RGS6: variants seen among roughly 807,000 people sequenced by gnomAD.
RGS6 encodes regulator of G protein signaling 6, also known as regulator of G-protein signaling 6.
A neutral mutation model predicts 78.5 loss-of-function variants in RGS6; 30 were observed. The observed-to-expected ratio is 0.38, with a 90% CI of 0.29 to 0.52. The LOEUF (loss-of-function observed/expected upper bound fraction) is 0.52. RGS6 is among the 20% of genes least tolerant of loss of function. The probability of loss-of-function intolerance (pLI) is 0.85; values close to 1 mark genes in which losing one functional copy is unlikely to be tolerated. For missense variants in RGS6, 495 were observed against 609.7 expected (o/e 0.81, Z 1.98); for synonymous variants, 206 against 206.0 (o/e 1.00, Z 0.00).
intron 3 of RGS6, among the ~76,000 whole-genome samples, chr14:72,436,054 T>A (rs909165741): frequency 2.0e-5 from 3 of 152,184 alleles, no homozygotes; most frequent in Non-Finnish European, 2.9e-5. Flanking sequence ...GGAAGGACCC[T>A]CTTTGACCCT....
chr14:72,531,820 C>T (rs2097186638), intron 15 of RGS6, among the ~76,000 whole-genome samples: 1 of 152,172 alleles, frequency 6.6e-6, no homozygotes, highest in South Asian at 2.1e-4. Context: ...TTAAAATCTA[C>T]TCTCAGCAAT....
chr14:72,123,579 T>C (rs778325388), intron 2 of RGS6, among the ~76,000 whole-genome samples: 15 of 152,192 alleles, frequency 9.9e-5, no homozygotes, highest in African/African-American at 1.4e-4. Flanking sequence ...GGAAACCTGG[T>C]GTGGCAGAAA....
At chr14:71,949,501 A>G (rs1476103866) in intron 1 of RGS6, among the ~76,000 whole-genome samples, 1 of 152,026 alleles carries the variant, frequency 6.6e-6, no homozygotes, top group Non-Finnish European at 1.5e-5. Flanking sequence ...CCTATTTTAA[A>G]TTAGATTTTT....
rs561802004 is a variant in RGS6, at chr14:72,349,282, C to G, written c.85-2813C>G. On this transcript the variant is annotated intron_variant, in intron 2 of 17. Coordinates refer to ENST00000553525, the MANE Select transcript of RGS6 (RefSeq NM_001204424.2). Reference sequence around the variant, plus strand: ...GTTCAGTACCATTTGCTCCAGATGTCTCTCATCTTCCTTGAAATAACAACT... The same window carrying G: ...GTTCAGTACCATTTGCTCCAGATGTGTCTCATCTTCCTTGAAATAACAACT... Among the ~76,000 whole-genome samples, 3 of 152,218 alleles carry G rather than the reference C, an allele frequency of 2.0e-5. No homozygotes were observed. The South Asian group carries it at 6.2e-4, about 32-fold the overall frequency.
intron 3 of RGS6, among the ~76,000 whole-genome samples, chr14:72,353,111 G>A (rs2079459921): frequency 1.3e-5 from 2 of 152,190 alleles, no homozygotes. Flanking sequence ...GGAAAATTGT[G>A]CAGCTACTTT....
At chr14:72,495,320 C>G in intron 13 of RGS6, 58 bp downstream of exon 13, 2 of 1,040,472 alleles carry the variant, frequency 1.9e-6, no homozygotes, top group East Asian at 4.7e-5. Flanking sequence ...TCCATGAGAT[C>G]ATGAGATTAC....
intron 12 of RGS6, among the ~76,000 whole-genome samples, chr14:72,488,161 C>T (rs2153393060): frequency 6.6e-6 from 1 of 152,282 alleles, no homozygotes; most frequent in South Asian, 2.1e-4. Context: ...CCCTTCCGAC[C>T]AGTACCACTC....
At chr14:71,909,799 G>A in the RGS6 span, among the ~76,000 whole-genome samples, 2 of 152,090 alleles carry the variant, frequency 1.3e-5, no homozygotes, top group African/African-American at 4.8e-5. Context: ...AGGGAGACCG[G>A]TTAAAACACT....
At chr14:72,089,823 C>T (rs373052613) in intron 2 of RGS6, among the ~76,000 whole-genome samples, 6 of 152,208 alleles carry the variant, frequency 3.9e-5, no homozygotes, top group East Asian at 1.9e-4. Context: ...CACCACCTCA[C>T]AGCTTAGCTT....
chr14:72,121,930 G>A (rs1351063929), intron 2 of RGS6, among the ~76,000 whole-genome samples: 2 of 152,094 alleles, frequency 1.3e-5, no homozygotes, highest in African/African-American at 2.4e-5. Flanking sequence ...AGATGTTTTT[G>A]GTTGTCAAAA....
intron 2 of RGS6, among the ~76,000 whole-genome samples, chr14:72,201,426 G>C (rs909905733): frequency 6.6e-6 from 1 of 152,144 alleles, no homozygotes; most frequent in Non-Finnish European, 1.5e-5. Flanking sequence ...ATCTAGGATG[G>C]AGAAACGGGG....
chr14:72,324,819 T>G (rs571873824), intron 2 of RGS6, among the ~76,000 whole-genome samples: 2 of 152,236 alleles, frequency 1.3e-5, no homozygotes, highest in East Asian at 3.9e-4. Flanking sequence ...TAAACATACG[T>G]GTGCATGTGT....
intron 2 of RGS6, among the ~76,000 whole-genome samples, chr14:72,301,205 A>T (rs1466815228): frequency 6.6e-6 from 1 of 152,228 alleles, no homozygotes; most frequent in Admixed American, 6.5e-5. Flanking sequence ...TAGGAAAGAT[A>T]TAAAAGAAAA....
At chr14:71,932,086 C>T (rs901608076), upstream of RGS6, among the ~76,000 whole-genome samples, 2 of 152,218 alleles carry the variant, frequency 1.3e-5, no homozygotes, top group African/African-American at 2.4e-5. Flanking sequence ...GTTTCCGGAC[C>T]GGGCCAGTTT....
intron 3 of RGS6, among the ~76,000 whole-genome samples, chr14:72,362,451 G>T (rs956411947): frequency 2.0e-5 from 3 of 151,960 alleles, no homozygotes; most frequent in African/African-American, 7.3e-5. Context: ...GGGCAGTTCT[G>T]CTGGTCTCAG....
chr14:72,110,885 TCA>T (rs1213357901), intron 2 of RGS6, among the ~76,000 whole-genome samples: 1 of 152,146 alleles, frequency 6.6e-6, no homozygotes, highest in African/African-American at 2.4e-5. Context: ...CTTTGTCTAG[TCA>T]CACCTAGCAG....
chr14:72,417,715 A>C (rs984608815), intron 3 of RGS6, among the ~76,000 whole-genome samples: 9 of 152,246 alleles, frequency 5.9e-5, no homozygotes, highest in Non-Finnish European at 1.3e-4. Context: ...AAATAGCAGT[A>C]CATACCTCAC....
At chr14:72,582,348 G>T in the RGS6 span, among the ~76,000 whole-genome samples, 3 of 152,124 alleles carry the variant, frequency 2.0e-5, no homozygotes, top group African/African-American at 7.2e-5. Context: ...CAAGGATGCT[G>T]TTGTAGTCAA....
chr14:72,522,525 A>G (rs60642139), intron 15 of RGS6, among the ~76,000 whole-genome samples: 7,584 of 152,304 alleles, frequency 0.05, 389 homozygotes, highest in African/African-American at 0.13. Context: ...TTTGTGAGTC[A>G]TGTGGTCTAT....
Sources: gnomAD v4.1 joint callset for allele counts (sites outside exome capture counted in the v4.1 genomes callset) on GRCh38, gnomAD v4.1.1 for gene constraint, MANE v1.5 for transcripts, NCBI Gene and HGNC (gene_info 2026-07-23, HGNC 2026-07-21) for gene names.